The following GNAI1 variants were observed in gnomAD, a reference collection of about 807,000 sequenced individuals.
The protein encoded by GNAI1 is guanine nucleotide-binding protein G(i) subunit alpha-1.
A neutral mutation model predicts 38.9 loss-of-function variants in GNAI1; 11 were observed. That is an observed-to-expected ratio of 0.28 (90% CI 0.18 to 0.47). GNAI1 has a LOEUF of 0.47. GNAI1 is among the 20% of genes least tolerant of loss of function. GNAI1 has a pLI of 0.99. For missense variants in GNAI1, 317 were observed against 436.9 expected (o/e 0.73, Z 2.45); for synonymous variants, 166 against 145.1 (o/e 1.14, Z -1.04).
intron 1 of GNAI1, chr7:80,187,451 G>T (rs1161179638): frequency 6.6e-6 from 1 of 152,252 alleles, no homozygotes; most frequent in Non-Finnish European, 1.5e-5. Flanking sequence ...TGGGTAAGGA[G>T]AGGTTGACAA....
chr7:80,142,764 A>G (rs1172658644), intron 1 of GNAI1, among the ~76,000 whole-genome samples: 1 of 152,196 alleles, frequency 6.6e-6, no homozygotes, highest in South Asian at 2.1e-4. Flanking sequence ...ATGAAAACCT[A>G]CTACATTATT....
chr7:80,159,556 G>T (rs1787881627), intron 1 of GNAI1, among the ~76,000 whole-genome samples: 1 of 152,078 alleles, frequency 6.6e-6, no homozygotes, highest in Non-Finnish European at 1.5e-5. Flanking sequence ...TATACGTTGT[G>T]TACATGATTG....
intron 3 of GNAI1, among the ~76,000 whole-genome samples, chr7:80,198,958 C>G (rs574460798): frequency 9.2e-5 from 14 of 152,276 alleles, no homozygotes; most frequent in Non-Finnish European, 1.8e-4. Flanking sequence ...CCTTTATGAG[C>G]TGGAACCTTA....
intron 1 of GNAI1, among the ~76,000 whole-genome samples, chr7:80,170,017 T>C (rs1290607040): frequency 1.3e-5 from 2 of 152,222 alleles, no homozygotes; most frequent in Admixed American, 6.5e-5. Context: ...TTCTTTTTCA[T>C]AGCTGAGTAA....
At chr7:80,196,913 A>G (rs1250674458) in intron 3 of GNAI1, among the ~76,000 whole-genome samples, 2 of 151,942 alleles carry the variant, frequency 1.3e-5, no homozygotes, top group Non-Finnish European at 2.9e-5. Flanking sequence ...CACATAGTTA[A>G]TTTTTTTGAC....
At chr7:80,141,383 CTGTT>C (rs1258498281) in intron 1 of GNAI1, among the ~76,000 whole-genome samples, 10 of 152,290 alleles carry the variant, frequency 6.6e-5, no homozygotes, top group Non-Finnish European at 7.3e-5. Flanking sequence ...AAATTCCTGT[CTGTT>C]TGTGGACCTG....
chr7:80,164,733 C>T (rs747306846), intron 1 of GNAI1, among the ~76,000 whole-genome samples: 13 of 152,120 alleles, frequency 8.5e-5, no homozygotes, highest in Non-Finnish European at 1.2e-4. Flanking sequence ...TAATTTGGGG[C>T]ATTTATCCAT....
At chr7:80,175,364 ATGTGTG>A (rs71518972) in intron 1 of GNAI1, among the ~76,000 whole-genome samples, 1 of 150,372 alleles carries the variant, frequency 6.7e-6, no homozygotes, top group East Asian at 1.9e-4. Flanking sequence ...GTGTATATTT[ATGTGTG>A]TGTGTGTGTG....
intron 1 of GNAI1, among the ~76,000 whole-genome samples, chr7:80,160,607 T>A (rs1235067630): frequency 6.6e-6 from 1 of 152,182 alleles, no homozygotes; most frequent in Non-Finnish European, 1.5e-5. Context: ...TGATATCCAC[T>A]TGCAAATCAA....
At chr7:80,161,179 A>C (rs1044332890) in intron 1 of GNAI1, among the ~76,000 whole-genome samples, 1 of 152,208 alleles carries the variant, frequency 6.6e-6, no homozygotes, top group Non-Finnish European at 1.5e-5. Context: ...GGTTTGTGAG[A>C]AGCTCATTAT....
At chr7:80,167,684 G>A (rs923388761) in intron 1 of GNAI1, among the ~76,000 whole-genome samples, 2 of 152,134 alleles carry the variant, frequency 1.3e-5, no homozygotes, top group Non-Finnish European at 2.9e-5. Context: ...TCCTTATATA[G>A]AATCATTTAT....
At chr7:80,142,979 A>G (rs1417687464) in intron 1 of GNAI1, among the ~76,000 whole-genome samples, 2 of 152,214 alleles carry the variant, frequency 1.3e-5, no homozygotes, top group African/African-American at 4.8e-5. Context: ...CACTATTGCA[A>G]TGTGGCATTT....
intron 1 of GNAI1, among the ~76,000 whole-genome samples, chr7:80,182,017 C>G (rs919073590): frequency 1.3e-5 from 2 of 152,050 alleles, no homozygotes; most frequent in African/African-American, 4.8e-5. Context: ...CCCTTTGACC[C>G]ACATCTCCCT....
intron 1 of GNAI1, among the ~76,000 whole-genome samples, chr7:80,174,358 G>T (rs944539107): frequency 6.7e-6 from 1 of 149,566 alleles, no homozygotes. Context: ...TTTTTCCCTT[G>T]TACTTGTCTT....
chr7:80,147,711 A>T (rs1385307839), intron 1 of GNAI1, among the ~76,000 whole-genome samples: 1 of 152,138 alleles, frequency 6.6e-6, no homozygotes, highest in Non-Finnish European at 1.5e-5. Context: ...GGGAATTCTG[A>T]TCTTAGAAAA....
chr7:80,152,862 C>T (rs1787752810), intron 1 of GNAI1, among the ~76,000 whole-genome samples: 1 of 151,944 alleles, frequency 6.6e-6, no homozygotes, highest in South Asian at 2.1e-4. Flanking sequence ...TGAGCCACTG[C>T]ACCCGGCCAG....
chr7:80,194,328 G>A (rs924365928), intron 3 of GNAI1, among the ~76,000 whole-genome samples: 6 of 151,890 alleles, frequency 4.0e-5, no homozygotes, highest in Non-Finnish European at 8.8e-5. Context: ...TGGAATCTTG[G>A]TGTTTTGATG....
intron 3 of GNAI1, among the ~76,000 whole-genome samples, chr7:80,195,020 A>G (rs1584041998): frequency 6.6e-6 from 1 of 152,004 alleles, no homozygotes; most frequent in Non-Finnish European, 1.5e-5. Context: ...GCAAAATGAT[A>G]CTAGCCACCA....
intron 3 of GNAI1, among the ~76,000 whole-genome samples, chr7:80,198,261 T>C (rs1788616468): frequency 1.3e-5 from 2 of 152,020 alleles, no homozygotes; most frequent in South Asian, 4.1e-4. Flanking sequence ...GAAATATAAT[T>C]GTGTATTTAT....
Sources: gnomAD v4.1 joint callset for allele counts (sites outside exome capture counted in the v4.1 genomes callset) on GRCh38, gnomAD v4.1.1 for gene constraint, MANE v1.5 for transcripts, NCBI Gene and HGNC (gene_info 2026-07-23, HGNC 2026-07-21) for gene names.